The following PVT1 variants were observed in gnomAD, a reference collection of about 807,000 sequenced individuals.
The protein encoded by PVT1 is Pvt1 oncogene, also known as CXCR4/PVT1 fusion.
chr8:127,990,349 C>T (rs914682216), intron 4 of PVT1, among the ~76,000 whole-genome samples: 3 of 152,150 alleles, frequency 2.0e-5, no homozygotes, highest in Admixed American at 6.5e-5. Flanking sequence ...TCTTACACAT[C>T]ACAGGATCTG....
intron 3 of PVT1, among the ~76,000 whole-genome samples, chr8:127,929,638 G>T (rs1274303850): frequency 1.3e-5 from 2 of 152,110 alleles, no homozygotes; most frequent in Admixed American, 1.3e-4. Context: ...CATGGTGGCG[G>T]GCGCCTGTAG....
chr8:127,895,661 G>A (rs1444089879), intron 3 of PVT1, among the ~76,000 whole-genome samples: 1 of 152,014 alleles, frequency 6.6e-6, no homozygotes, highest in Non-Finnish European at 1.5e-5. Flanking sequence ...AGGCATAAAG[G>A]TATAAAAAAT....
intron 3 of PVT1, among the ~76,000 whole-genome samples, chr8:127,910,906 T>G (rs1384318523): frequency 7.0e-6 from 1 of 143,548 alleles, no homozygotes; most frequent in Non-Finnish European, 1.5e-5. Context: ...TGTGTGTGTG[T>G]GTGTGTGAGA....
At chr8:127,909,484 C>T (rs775465893) in intron 3 of PVT1, among the ~76,000 whole-genome samples, 2 of 152,178 alleles carry the variant, frequency 1.3e-5, no homozygotes, top group Non-Finnish European at 2.9e-5. Flanking sequence ...TTCCCAGCTG[C>T]AAAATGAGTG....
chr8:127,847,154 CA>C (rs1815044931), intron 2 of PVT1, among the ~76,000 whole-genome samples: 1 of 151,798 alleles, frequency 6.6e-6, no homozygotes, highest in African/African-American at 2.4e-5. Flanking sequence ...AGGCGCCCAC[CA>C]CCACACCTGG....
intron 2 of PVT1, among the ~76,000 whole-genome samples, chr8:127,874,148 G>A (rs1158342711): frequency 6.6e-6 from 1 of 152,230 alleles, no homozygotes; most frequent in African/African-American, 2.4e-5. Context: ...ATGCAGTTCT[G>A]CATCTTGGGG....
At chr8:127,995,519 G>A (rs1817094776) in intron 4 of PVT1, among the ~76,000 whole-genome samples, 1 of 152,146 alleles carries the variant, frequency 6.6e-6, no homozygotes, top group South Asian at 2.1e-4. Context: ...CATTATATCA[G>A]TCCGTCAGTC....
chr8:127,939,160 A>T (rs976171237), intron 3 of PVT1, among the ~76,000 whole-genome samples: 4 of 151,896 alleles, frequency 2.6e-5, no homozygotes, highest in Admixed American at 2.0e-4. Context: ...CAACCCTGTG[A>T]CTCTTCTCCC....
intron 2 of PVT1, among the ~76,000 whole-genome samples, chr8:127,826,062 G>A (rs184283260): frequency 3.5e-4 from 35 of 100,938 alleles, no homozygotes; most frequent in Non-Finnish European, 6.3e-4. Flanking sequence ...GTCTTGTTAT[G>A]TTGCCCAGGC....
At chr8:128,029,173 A>C (rs1813359544) in intron 4 of PVT1, among the ~76,000 whole-genome samples, 1 of 151,952 alleles carries the variant, frequency 6.6e-6, no homozygotes, top group African/African-American at 2.4e-5. Context: ...TTTTTTGTAG[A>C]GTGCAGTGGC....
At position 128,049,606 on chromosome 8, in the gene PVT1, A is replaced by G. The variant is rs189014792; in HGVS notation, n.913-20554A>G. ...CCAGAAGGCTGACCTGTGTGGATGCATTATCAGGGTGGATGCAACACAGGG... is the reference window on the plus strand; with the variant it reads ...CCAGAAGGCTGACCTGTGTGGATGCGTTATCAGGGTGGATGCAACACAGGG... On this transcript the variant is annotated intron_variant and non_coding_transcript_variant, in intron 4 of 10. Transcript: ENST00000651587. 7.9e-5 allele frequency among the ~76,000 whole-genome samples: 12 copies of G among 152,180 alleles called. No homozygotes were observed. In the East Asian group the frequency reaches 2.3e-3, roughly 29 times the overall value.
At chr8:128,068,239 C>T (rs1813936019) in intron 4 of PVT1, among the ~76,000 whole-genome samples, 1 of 151,946 alleles carries the variant, frequency 6.6e-6, no homozygotes, top group South Asian at 2.1e-4. Context: ...TTTAGGCTCC[C>T]ATTCTCCTCT....
chr8:128,013,523 C>T (rs956378407), intron 4 of PVT1, among the ~76,000 whole-genome samples: 1 of 152,130 alleles, frequency 6.6e-6, no homozygotes, highest in African/African-American at 2.4e-5. Flanking sequence ...GTTTATTGAA[C>T]ACTTGCTGAA....
At chr8:127,965,636 G>A (rs1319102925) in intron 3 of PVT1, among the ~76,000 whole-genome samples, 5 of 152,244 alleles carry the variant, frequency 3.3e-5, no homozygotes, top group Non-Finnish European at 7.3e-5. Flanking sequence ...GGATGTGTCA[G>A]TTGCAGGCAC....
At chr8:127,883,988 C>CA (rs1815497956) in intron 2 of PVT1, among the ~76,000 whole-genome samples, 1 of 152,118 alleles carries the variant, frequency 6.6e-6, no homozygotes, top group Non-Finnish European at 1.5e-5. Flanking sequence ...CAGGAAAACT[C>CA]AAAAAATATA....
At chr8:127,807,990 G>T (rs895169938) in intron 2 of PVT1, among the ~76,000 whole-genome samples, 1 of 151,710 alleles carries the variant, frequency 6.6e-6, no homozygotes, top group African/African-American at 2.4e-5. Context: ...GGATGGTCTC[G>T]ATCTCCTGAC....
intron 5 of PVT1, among the ~76,000 whole-genome samples, chr8:128,092,449 T>G (rs1390889414): frequency 1.3e-5 from 2 of 152,166 alleles, no homozygotes; most frequent in African/African-American, 2.4e-5. Context: ...GCCATTACCT[T>G]TAATGGCAGC....
intron 3 of PVT1, among the ~76,000 whole-genome samples, chr8:127,943,777 C>T (rs1816383775): frequency 6.6e-6 from 1 of 152,130 alleles, no homozygotes; most frequent in Non-Finnish European, 1.5e-5. Flanking sequence ...TCCACAGAGC[C>T]TTCTCCTTAA....
chr8:127,853,070 C>G (rs1197704396), intron 2 of PVT1, among the ~76,000 whole-genome samples: 1 of 152,180 alleles, frequency 6.6e-6, no homozygotes, highest in Admixed American at 6.5e-5. Flanking sequence ...CTCCCATGGA[C>G]AAGATCAGCT....
Sources: allele counts gnomAD v4.1 joint callset (sites outside exome capture counted in the v4.1 genomes callset), GRCh38; gene constraint gnomAD v4.1.1; transcripts MANE v1.5; gene names NCBI Gene and HGNC (gene_info 2026-07-23, HGNC 2026-07-21).